LRMDA: variants seen among roughly 807,000 people sequenced by gnomAD.
LRMDA encodes leucine-rich melanocyte differentiation-associated protein.
LRMDA carries 18 observed loss-of-function variants against 29.8 expected under a neutral mutation model. The ratio of observed to expected loss-of-function variants is 0.60; its 90% CI spans 0.42 to 0.90. LRMDA has a LOEUF of 0.90. Ranked by LOEUF, LRMDA falls within the 40% of genes least tolerant of loss-of-function variation. The pLI is 0.00. For synonymous variants in LRMDA, 125 were observed against 109.4 expected (o/e 1.14, Z -0.89); for missense variants, 273 against 273.9 (o/e 1.00, Z 0.02).
In LRMDA at chr10:75,799,607, C is replaced by T. The variant is rs538503331; in HGVS notation, c.132-236401C>T. 1.1e-4 allele frequency among the ~76,000 whole-genome samples: 17 copies of T among 151,670 alleles called. No individual in the cohort carries two copies. The South Asian group carries it at 2.9e-3, about 26-fold the overall frequency. On this transcript the variant is annotated intron_variant, in intron 2 of 6. Transcript: ENST00000611255. The stretch of plus-strand genomic sequence containing the variant: ...TCGGCTCACTGCAACCTCCGCCTCC[C>T]GGGTTCAAGTGATTCTCCTGCCTCA...
chr10:76,551,697 G>A (rs552269636), intron 6 of LRMDA, among the ~76,000 whole-genome samples: 4 of 152,258 alleles, frequency 2.6e-5, no homozygotes, highest in East Asian at 3.9e-4. Flanking sequence ...TTTAGGTACC[G>A]GGTGTTAGAA....
intron 2 of LRMDA, among the ~76,000 whole-genome samples, chr10:75,737,708 C>T (rs370904894): frequency 9.9e-5 from 15 of 152,170 alleles, no homozygotes; most frequent in African/African-American, 2.7e-4. Context: ...AGCTGTTCTT[C>T]GGTGCTGATA....
At chr10:76,416,996 G>A (rs919631818) in intron 6 of LRMDA, among the ~76,000 whole-genome samples, 1 of 152,166 alleles carries the variant, frequency 6.6e-6, no homozygotes, top group Non-Finnish European at 1.5e-5. Context: ...ACTCACTAAT[G>A]AGCTGGACAA....
intron 2 of LRMDA, among the ~76,000 whole-genome samples, chr10:76,029,552 T>C (rs1187697173): frequency 6.6e-6 from 1 of 152,220 alleles, no homozygotes; most frequent in Non-Finnish European, 1.5e-5. Flanking sequence ...CAGAATTTCA[T>C]ATGGGTAATT....
intron 2 of LRMDA, among the ~76,000 whole-genome samples, chr10:75,640,867 G>C (rs61226241): frequency 0.037 from 5,586 of 152,292 alleles, 234 homozygotes; most frequent in African/African-American, 0.1. Context: ...GAGTCTGAGT[G>C]GGGGATTCTC....
intron 2 of LRMDA, among the ~76,000 whole-genome samples, chr10:75,607,226 A>G (rs999036762): frequency 3.3e-5 from 5 of 152,224 alleles, no homozygotes; most frequent in African/African-American, 1.2e-4. Context: ...TTGAGTTTTA[A>G]CTATCTTCTG....
At chr10:76,172,605 T>C (rs1850858961) in intron 5 of LRMDA, among the ~76,000 whole-genome samples, 2 of 152,128 alleles carry the variant, frequency 1.3e-5, no homozygotes, top group South Asian at 2.1e-4. Flanking sequence ...TCCCTGAAGC[T>C]TGGGGAAGAA....
intron 2 of LRMDA, among the ~76,000 whole-genome samples, chr10:75,573,710 T>C (rs1840465225): frequency 6.6e-6 from 1 of 152,246 alleles, no homozygotes; most frequent in East Asian, 1.9e-4. Flanking sequence ...ATTTAAAAAA[T>C]AACATTCAGT....
At chr10:75,541,111 G>A (rs1421815892) in intron 2 of LRMDA, among the ~76,000 whole-genome samples, 1 of 152,144 alleles carries the variant, frequency 6.6e-6, no homozygotes, top group Non-Finnish European at 1.5e-5. Flanking sequence ...CTAGGCAACC[G>A]CAGCATTCAA....
chr10:76,533,787 A>G (rs932446743), intron 6 of LRMDA, among the ~76,000 whole-genome samples: 1 of 152,200 alleles, frequency 6.6e-6, no homozygotes, highest in African/African-American at 2.4e-5. Flanking sequence ...ATATGTCATC[A>G]ATGTTTTGCT....
intron 6 of LRMDA, among the ~76,000 whole-genome samples, chr10:76,407,510 A>G (rs371396492): frequency 2.8e-4 from 43 of 152,294 alleles, no homozygotes; most frequent in African/African-American, 9.9e-4. Flanking sequence ...GTTCTTCTCA[A>G]CCTTGAGATT....
chr10:76,387,414 A>G (rs1176872069), intron 6 of LRMDA, among the ~76,000 whole-genome samples: 1 of 152,118 alleles, frequency 6.6e-6, no homozygotes, highest in Non-Finnish European at 1.5e-5. Flanking sequence ...CAGCCCGGGC[A>G]ATATGGCAAA....
intron 2 of LRMDA, among the ~76,000 whole-genome samples, chr10:75,696,735 T>C (rs1458896350): frequency 1.3e-5 from 2 of 152,212 alleles, no homozygotes; most frequent in Non-Finnish European, 2.9e-5. Flanking sequence ...AGGAGCATGA[T>C]GGAGATGCAA....
At chr10:76,199,941 A>G (rs768129572) in intron 5 of LRMDA, among the ~76,000 whole-genome samples, 2 of 152,276 alleles carry the variant, frequency 1.3e-5, no homozygotes, top group Non-Finnish European at 1.5e-5. Flanking sequence ...CTTTGTAAAC[A>G]TATGTGGAGT....
chr10:76,267,902 T>C (rs1321522271), intron 5 of LRMDA, among the ~76,000 whole-genome samples: 2 of 152,356 alleles, frequency 1.3e-5, no homozygotes, highest in Admixed American at 6.5e-5. Flanking sequence ...CTTAAATATT[T>C]ATCTTATTTT....
chr10:75,633,141 C>T (rs947711430), intron 2 of LRMDA, among the ~76,000 whole-genome samples: 9 of 152,134 alleles, frequency 5.9e-5, no homozygotes, highest in Admixed American at 2.0e-4. Flanking sequence ...CGCAAAGTGA[C>T]GGCTTTTCTT....
chr10:75,947,351 G>A (rs139821254), intron 2 of LRMDA, among the ~76,000 whole-genome samples: 2 of 152,274 alleles, frequency 1.3e-5, no homozygotes, highest in Non-Finnish European at 1.5e-5. Flanking sequence ...GAGATCACAG[G>A]TCAGAGGACT....
At chr10:76,523,900 T>C (rs1843147389) in intron 6 of LRMDA, among the ~76,000 whole-genome samples, 1 of 152,200 alleles carries the variant, frequency 6.6e-6, no homozygotes, top group Non-Finnish European at 1.5e-5. Context: ...AATTTCAGAA[T>C]CTGTTCTCAG....
At chr10:75,551,013 A>G (rs1840135893) in intron 2 of LRMDA, among the ~76,000 whole-genome samples, 1 of 151,754 alleles carries the variant, frequency 6.6e-6, no homozygotes, top group Non-Finnish European at 1.5e-5. Context: ...GATCATTGGT[A>G]CTATCTTTTC....
Sources: allele counts gnomAD v4.1 joint callset (sites outside exome capture counted in the v4.1 genomes callset), GRCh38; gene constraint gnomAD v4.1.1; transcripts MANE v1.5; gene names NCBI Gene and HGNC (gene_info 2026-07-23, HGNC 2026-07-21).